The following MARCHF11 variants were observed in gnomAD, a reference collection of about 807,000 sequenced individuals.
MARCHF11 encodes the protein E3 ubiquitin-protein ligase MARCHF11.
A neutral mutation model predicts 37.3 loss-of-function variants in MARCHF11; 29 were observed. The observed-to-expected ratio is 0.78, with a 90% CI of 0.58 to 1.06. MARCHF11 has a LOEUF of 1.06. MARCHF11 is among the 50% of genes least tolerant of loss of function. The pLI is 0.00. For missense variants in MARCHF11, 482 were observed against 533.4 expected, an observed-to-expected ratio of 0.90 and a Z score of 0.95; for synonymous variants, 233 against 228.0, an observed-to-expected ratio of 1.02 and a Z score of -0.20.
At chr5:16,084,409 G>A (rs557048012) in intron 3 of MARCHF11, among the ~76,000 whole-genome samples, 85 of 152,262 alleles carry the variant, frequency 5.6e-4, no homozygotes, top group African/African-American at 1.9e-3. Context: ...TTGGGAGGCC[G>A]AGGCAGGCGG....
intron 3 of MARCHF11, among the ~76,000 whole-genome samples, chr5:16,079,594 C>T (rs542745690): frequency 2.6e-5 from 4 of 152,206 alleles, no homozygotes; most frequent in Non-Finnish European, 5.9e-5. Flanking sequence ...GATCTTGTGG[C>T]CTTGCTCTGG....
Position 16,179,363 on chromosome 5 carries a change from C to G in MARCHF11, c.213G>C (p.Glu71Asp), listed in dbSNP as rs1053106267. 8.5e-7 allele frequency: 1 copy of G among 1,175,522 alleles called. No homozygotes were observed. The highest frequency in any genetic ancestry group is 1.6e-5 in the African/African-American group (1 of 61,864). The allele number at this position is 1,175,522 out of a possible 1,614,324, so 72.8% of individuals were successfully genotyped here. A position where few individuals can be genotyped will look rare whatever the true frequency, so the allele number is the denominator to read the frequency against. Residue 71 changes from glutamate (E) to aspartate (D), a missense_variant, in exon 1 of 4, where the codon GAG (glutamate) becomes GAC (aspartate). By Grantham distance (45) the Glu-to-Asp change is conservative (BLOSUM62 2). Transcript: ENST00000332432. ...CCGCTCCCCTGCACCGCGGGGCCAC[C>G]TCCCCTAGCGGCTCGCTTGGCCCCG... ...RAAGPSEPLG[E>D]VAPRCRGADE... is the part of the protein sequence containing the mutation.
chr5:16,111,763 A>G (rs1037067475), intron 2 of MARCHF11, among the ~76,000 whole-genome samples: 1 of 152,202 alleles, frequency 6.6e-6, no homozygotes, highest in African/African-American at 2.4e-5. Context: ...ACCTTTGGAG[A>G]GCAGCCCCTC....
intron 2 of MARCHF11, among the ~76,000 whole-genome samples, chr5:16,122,936 C>T (rs916531882): frequency 1.3e-5 from 2 of 152,186 alleles, no homozygotes; most frequent in African/African-American, 4.8e-5. Flanking sequence ...ATGTTAGTTT[C>T]GCATGTATTG....
intron 2 of MARCHF11, among the ~76,000 whole-genome samples, chr5:16,154,607 G>A (rs1177852593): frequency 6.6e-6 from 1 of 151,846 alleles, no homozygotes; most frequent in Non-Finnish European, 1.5e-5. Flanking sequence ...AAAAGGGAGG[G>A]GGGGGAGGAA....
intron 2 of MARCHF11, among the ~76,000 whole-genome samples, chr5:16,174,525 C>T (rs755475239): frequency 3.9e-5 from 6 of 152,238 alleles, no homozygotes; most frequent in South Asian, 4.1e-4. Flanking sequence ...CTCACTGCAG[C>T]GTGTTTTCCT....
chr5:16,079,257 T>A (rs370005677), intron 3 of MARCHF11, among the ~76,000 whole-genome samples: 6 of 152,104 alleles, frequency 3.9e-5, no homozygotes, highest in Non-Finnish European at 1.5e-5. Flanking sequence ...GTTGACAACC[T>A]CCAATGCCTC....
chr5:16,101,180 C>T (rs1257020544), intron 2 of MARCHF11, among the ~76,000 whole-genome samples: 2 of 152,056 alleles, frequency 1.3e-5, no homozygotes, highest in South Asian at 2.1e-4. Context: ...TGTAGATTTT[C>T]ATATTTGTCA....
At chr5:16,090,862 T>A (rs767751009) in intron 3 of MARCHF11, 27 bp downstream of exon 3, 1 of 1,450,020 alleles carries the variant, frequency 6.9e-7, no homozygotes, top group Non-Finnish European at 9.2e-7. Flanking sequence ...ACTGACAGTG[T>A]GTTAACGTTG....
intron 3 of MARCHF11, among the ~76,000 whole-genome samples, chr5:16,083,617 C>T (rs915577220): frequency 1.3e-5 from 2 of 152,114 alleles, no homozygotes; most frequent in Admixed American, 6.5e-5. Flanking sequence ...TAATTTCTTT[C>T]TCTTTCCTTA....
At chr5:16,088,387 A>G (rs185956977) in intron 3 of MARCHF11, among the ~76,000 whole-genome samples, 1 of 152,334 alleles carries the variant, frequency 6.6e-6, no homozygotes, top group Non-Finnish European at 1.5e-5. Flanking sequence ...ACACATAGAA[A>G]GTTCCTAGGA....
chr5:16,125,683 C>A (rs1008512834), intron 2 of MARCHF11, among the ~76,000 whole-genome samples: 5 of 149,092 alleles, frequency 3.4e-5, no homozygotes, highest in African/African-American at 1.2e-4. Flanking sequence ...ATATTGACCA[C>A]TGCTTTATTA....
At chr5:16,128,123 C>T (rs1239066157) in intron 2 of MARCHF11, among the ~76,000 whole-genome samples, 1 of 152,122 alleles carries the variant, frequency 6.6e-6, no homozygotes, top group Non-Finnish European at 1.5e-5. Flanking sequence ...GCTGAGGGTT[C>T]CATCTGCTTC....
intron 2 of MARCHF11, among the ~76,000 whole-genome samples, chr5:16,120,209 C>G (rs974524593): frequency 8.5e-5 from 13 of 152,238 alleles, no homozygotes; most frequent in African/African-American, 3.1e-4. Context: ...AGCCATGGCT[C>G]TAAGTGCTGA....
At chr5:16,109,307 T>C (rs1470714100) in intron 2 of MARCHF11, among the ~76,000 whole-genome samples, 2 of 152,252 alleles carry the variant, frequency 1.3e-5, no homozygotes, top group East Asian at 3.9e-4. Flanking sequence ...AGGGCTAATG[T>C]TTTTAGCCCC....
chr5:16,169,691 A>T (rs1738226632), intron 2 of MARCHF11, among the ~76,000 whole-genome samples: 1 of 152,160 alleles, frequency 6.6e-6, no homozygotes, highest in Admixed American at 6.5e-5. Flanking sequence ...CTCACAGGGA[A>T]GATGTTGTCA....
chr5:16,165,987 G>A (rs1579423250), intron 2 of MARCHF11, among the ~76,000 whole-genome samples: 1 of 151,998 alleles, frequency 6.6e-6, no homozygotes, highest in African/African-American at 2.4e-5. Context: ...ATTCTGTAAG[G>A]GAGACTTGTC....
intron 2 of MARCHF11, among the ~76,000 whole-genome samples, chr5:16,132,334 T>G (rs1041106124): frequency 1.3e-5 from 2 of 152,160 alleles, no homozygotes; most frequent in Non-Finnish European, 2.9e-5. Flanking sequence ...GCCAGCCAGG[T>G]GGGTCCCAAC....
intron 2 of MARCHF11, among the ~76,000 whole-genome samples, chr5:16,118,299 T>C (rs979976303): frequency 6.6e-6 from 1 of 151,908 alleles, no homozygotes; most frequent in Non-Finnish European, 1.5e-5. Context: ...CACAAATGGG[T>C]TTTAGGGTGA....
Sources: allele counts gnomAD v4.1 joint callset (sites outside exome capture counted in the v4.1 genomes callset), GRCh38; gene constraint gnomAD v4.1.1; transcripts MANE v1.5; gene names NCBI Gene and HGNC (gene_info 2026-07-23, HGNC 2026-07-21).